Variants in ZEB1 observed in about 807,000 individuals in gnomAD.
ZEB1 encodes zinc finger E-box binding homeobox 1.
A neutral mutation model predicts 84.9 loss-of-function variants in ZEB1; 21 were observed. The observed-to-expected ratio is 0.25, with a 90% CI of 0.18 to 0.36. The LOEUF (loss-of-function observed/expected upper bound fraction) is 0.36. Ranked by LOEUF, ZEB1 falls within the 10% of genes least tolerant of loss-of-function variation. ZEB1 has a pLI of 1.00. For synonymous variants in ZEB1, 420 were observed against 471.1 expected (o/e 0.89, Z 1.41); for missense variants, 1,104 against 1,330.2 (o/e 0.83, Z 2.65).
chr10:31,519,848 T>C (rs1175989883), intron 6 of ZEB1, among the ~76,000 whole-genome samples: 2 of 152,202 alleles, frequency 1.3e-5, no homozygotes, highest in African/African-American at 2.4e-5. Flanking sequence ...ACTTGAGAAT[T>C]ATTTGAAGTT....
chr10:31,365,545 A>G (rs567360069), intron 1 of ZEB1, among the ~76,000 whole-genome samples: 11 of 152,230 alleles, frequency 7.2e-5, no homozygotes, highest in Admixed American at 1.3e-4. Context: ...TTCACAGGTC[A>G]TATTATAGGA....
chr10:31,362,879 A>G (rs1413450553), intron 1 of ZEB1: 8 of 1,325,770 alleles, frequency 6.0e-6, no homozygotes, highest in African/African-American at 2.9e-5. Context: ...CTGAATTTTG[A>G]TATTCTACTT....
intron 2 of ZEB1, among the ~76,000 whole-genome samples, chr10:31,488,594 G>A (rs1346976835): frequency 1.3e-5 from 2 of 149,100 alleles, no homozygotes; most frequent in African/African-American, 2.5e-5. Flanking sequence ...TTTGCTCCTT[G>A]TTTACTGTTG....
At chr10:31,493,667 C>T (rs1041474862) in intron 2 of ZEB1, among the ~76,000 whole-genome samples, 1 of 151,950 alleles carries the variant, frequency 6.6e-6, no homozygotes, top group African/African-American at 2.4e-5. Flanking sequence ...TGCTAGTCCA[C>T]GGCTGATGCA....
At position 31,402,180 on chromosome 10, in the gene ZEB1, G is replaced by T. The variant is rs78814182; in HGVS notation, c.59-58857G>T. ...GACCAGATAAGGAAGAAAGGCCAAG[G>T]AGGAGGACATAGGAAAAGTGTAGGT... is the stretch of plus-strand genomic sequence containing the variant. On this transcript the variant is annotated intron_variant, in intron 1 of 8. Transcript: ENST00000424869. Among the ~76,000 whole-genome samples the T allele has an allele frequency of 7.9e-4, 120 of 152,090 alleles. 2 individuals carry two copies. In the East Asian group the frequency reaches 0.021, roughly 27 times the overall value.
Position 31,461,231 on chromosome 10 carries a change from G to A in ZEB1, c.253G>A (p.Asp85Asn), listed in dbSNP as rs1329650489. 6.2e-7 allele frequency: 1 copy of A among 1,611,952 alleles called. No individual in the cohort carries two copies. The highest frequency in any genetic ancestry group is 1.7e-5 in the Admixed American group (1 of 59,652). The change falls in exon 2 of 9, where the codon GAT becomes AAT. Residue 85 changes from aspartate (D) to asparagine (N), a missense_variant. Asp to Asn is a conservative substitution (Grantham distance 23). This residue lies in a region of ZEB1 where 162 missense variants were observed against 184.5 expected (regional missense o/e 0.88). Transcript: ENST00000424869. ...AGGGAATGCTAAGAACTGCTGGGAG[G>A]ATGACAGTAAGTCTGATTTTTTTTT... Reference protein sequence around the residue: ...REGNAKNCWEDDTGKEGQEIL... With the variant: ...REGNAKNCWENDTGKEGQEIL...
rs11527627 is a variant in ZEB1, at chr10:31,474,468, C to T, written c.259+13231C>T. Among the ~76,000 whole-genome samples the T allele has an allele frequency of 6.6e-5, 10 of 152,224 alleles. No individual in the cohort carries two copies. The South Asian group carries it at 2.1e-3, about 32-fold the overall frequency. On this transcript the variant is annotated intron_variant, in intron 2 of 8. Coordinates refer to ENST00000424869, the MANE Select transcript of ZEB1 (RefSeq NM_001174096.2). ...AAAAAACACATGAAAAAATGCTCAT[C>T]ATCACTGGCCATCAGAGAAAGGCAA...
chr10:31,329,496 T>A (rs1043197106), intron 1 of ZEB1, among the ~76,000 whole-genome samples: 11 of 152,136 alleles, frequency 7.2e-5, no homozygotes, highest in African/African-American at 2.7e-4. Flanking sequence ...ACTGTGAACA[T>A]TTACATAAAA....
intron 1 of ZEB1, among the ~76,000 whole-genome samples, chr10:31,459,055 G>T (rs1007555815): frequency 6.6e-6 from 1 of 152,018 alleles, no homozygotes; most frequent in African/African-American, 2.4e-5. Context: ...GCTTACAGTT[G>T]GGCAAATCAT....
rs187778821 is a variant in ZEB1 at position 31,383,401 on chromosome 10, A to G, written c.58+64109A>G. ...AGATAGTGTAGTTCCAGAAATAAAGAGAAATGTTTGGTATAAGTGAAAATA... is the reference window on the plus strand; with the variant it reads ...AGATAGTGTAGTTCCAGAAATAAAGGGAAATGTTTGGTATAAGTGAAAATA... On this transcript the variant is annotated intron_variant, in intron 1 of 8. Transcript: ENST00000424869. Among the ~76,000 whole-genome samples the G allele has an allele frequency of 2.2e-3, 331 of 152,314 alleles. 1 individual carries two copies. The highest frequency in any genetic ancestry group is 7.7e-3 in the African/African-American group (320 of 41,584).
chr10:31,450,665 T>C (rs994371609), intron 1 of ZEB1, among the ~76,000 whole-genome samples: 5 of 152,192 alleles, frequency 3.3e-5, no homozygotes, highest in African/African-American at 1.2e-4. Context: ...TTTATTATGA[T>C]ACTAACTTCA....
intron 4 of ZEB1, among the ~76,000 whole-genome samples, chr10:31,508,661 G>A (rs539610224): frequency 6.6e-6 from 1 of 152,100 alleles, no homozygotes; most frequent in Non-Finnish European, 1.5e-5. Context: ...CCCCTTGGTG[G>A]TGTGTGTAGG....
chr10:31,474,568 C>A (rs2063784060), intron 2 of ZEB1, among the ~76,000 whole-genome samples: 1 of 152,086 alleles, frequency 6.6e-6, no homozygotes, highest in Admixed American at 6.5e-5. Context: ...ACAACAGGTA[C>A]TGGAGAGGAT....
At chr10:31,497,924 AATAGATAGATAGATAG>A (rs145458133) in intron 3 of ZEB1, among the ~76,000 whole-genome samples, 1,697 of 145,492 alleles carry the variant, frequency 0.012, 23 homozygotes, top group South Asian at 0.061. Context: ...AGGATGGAAA[AATAGATAGATAGATAG>A]ATAGATAGAT....
chr10:31,318,522 G>C (rs1312365954), upstream of ZEB1: 1 of 153,238 alleles, frequency 6.5e-6, no homozygotes, highest in African/African-American at 2.4e-5. Flanking sequence ...CGGTTCGCTT[G>C]GGGGGAAACC....
intron 1 of ZEB1, among the ~76,000 whole-genome samples, chr10:31,333,978 T>C (rs903547324): frequency 6.6e-6 from 1 of 152,006 alleles, no homozygotes; most frequent in African/African-American, 2.4e-5. Context: ...TCAATAGTTA[T>C]AAAAGGAAGG....
intron 1 of ZEB1, among the ~76,000 whole-genome samples, chr10:31,440,136 G>C (rs1169500330): frequency 6.6e-6 from 1 of 152,068 alleles, no homozygotes; most frequent in Admixed American, 6.6e-5. Flanking sequence ...TGGGATATGA[G>C]AGAAAAAGAG....
At chr10:31,406,409 T>C (rs1180036734) in intron 1 of ZEB1, among the ~76,000 whole-genome samples, 3 of 152,192 alleles carry the variant, frequency 2.0e-5, no homozygotes, top group Non-Finnish European at 4.4e-5. Flanking sequence ...TGATATCTCA[T>C]TGTGGCTTTG....
intron 1 of ZEB1, among the ~76,000 whole-genome samples, chr10:31,412,379 A>C (rs561058357): frequency 3.3e-5 from 5 of 152,272 alleles, no homozygotes; most frequent in African/African-American, 1.2e-4. Context: ...CATTTACATT[A>C]GGTATATCTC....
Sources: gnomAD v4.1 joint callset for allele counts (sites outside exome capture counted in the v4.1 genomes callset) on GRCh38, gnomAD v4.1.1 for gene constraint, gnomAD v4.1.1 regional missense constraint, MANE v1.5 for transcripts, NCBI Gene and HGNC (gene_info 2026-07-23, HGNC 2026-07-21) for gene names.